Variants in CYP7B1 observed in about 807,000 individuals in gnomAD.
CYP7B1 encodes cytochrome P450 7B1.
Under a neutral mutation model 42.7 loss-of-function variants are expected in CYP7B1, and 29 were observed. The ratio of observed to expected loss-of-function variants is 0.68; its 90% CI spans 0.51 to 0.93. The LOEUF (loss-of-function observed/expected upper bound fraction) is 0.93. Ranked by LOEUF, CYP7B1 falls within the 40% of genes least tolerant of loss-of-function variation. CYP7B1 has a pLI of 0.00. For missense variants in CYP7B1, 655 were observed against 600.5 expected, an observed-to-expected ratio of 1.09 and a Z score of -0.95; for synonymous variants, 235 against 218.2, an observed-to-expected ratio of 1.08 and a Z score of -0.68.
At chr8:64,680,085 A>C (rs1806512565) in intron 1 of CYP7B1, among the ~76,000 whole-genome samples, 2 of 152,044 alleles carry the variant, frequency 1.3e-5, no homozygotes, top group Admixed American at 1.3e-4. Context: ...ATTCCCTGAA[A>C]ACAACCATTA....
chr8:64,750,460 T>C (rs1807710386), intron 1 of CYP7B1, among the ~76,000 whole-genome samples: 1 of 152,222 alleles, frequency 6.6e-6, no homozygotes, highest in East Asian at 1.9e-4. Flanking sequence ...CCTTTGCTTC[T>C]TAGGGAAAAA....
In CYP7B1 at chr8:64,734,710, T is replaced by C. The variant is rs78167171; in HGVS notation, c.122+63756A>G. Among the ~76,000 whole-genome samples, 948 of 152,338 alleles carry C rather than the reference T, an allele frequency of 6.2e-3. 8 individuals carry two copies. Among genetic ancestry groups the C allele is most frequent in the African/African-American group, 0.022 (911 of 41,578 alleles). On this transcript the variant is annotated intron_variant, in intron 1 of 5. Coordinates refer to ENST00000310193, the MANE Select transcript of CYP7B1 (RefSeq NM_004820.5). ...CAACAAATGTTTATTTGTAGTCCTATATATCATGTGAAGATTGTTCTAAGC... is the reference window on the plus strand; with the variant it reads ...CAACAAATGTTTATTTGTAGTCCTACATATCATGTGAAGATTGTTCTAAGC...
At chr8:64,620,441 C>T (rs1309742391) in intron 2 of CYP7B1, among the ~76,000 whole-genome samples, 2 of 152,128 alleles carry the variant, frequency 1.3e-5, no homozygotes, top group African/African-American at 2.4e-5. Flanking sequence ...CTAGGGAAAA[C>T]GATTCCACTG....
intron 1 of CYP7B1, among the ~76,000 whole-genome samples, chr8:64,748,305 C>T (rs749968148): frequency 1.4e-4 from 21 of 152,236 alleles, no homozygotes; most frequent in Middle Eastern, 3.4e-3. Flanking sequence ...GTCTATTCTC[C>T]TTCCTTTTCC....
intron 1 of CYP7B1, among the ~76,000 whole-genome samples, chr8:64,643,088 T>TATATATATACACATATATATAC (rs1342546171): frequency 0.066 from 7,169 of 109,318 alleles, 439 homozygotes; most frequent in Middle Eastern, 0.11. Context: ...TGTGTGTGTG[T>TATATATATACACATATATATAC]ATATATATAC....
intron 2 of CYP7B1, among the ~76,000 whole-genome samples, chr8:64,620,511 G>T (rs541509031): frequency 6.6e-6 from 1 of 152,104 alleles, no homozygotes; most frequent in Non-Finnish European, 1.5e-5. Context: ...AATTTACATG[G>T]TTTCTCATGA....
At chr8:64,669,931 C>A (rs983924555) in intron 1 of CYP7B1, among the ~76,000 whole-genome samples, 3 of 152,178 alleles carry the variant, frequency 2.0e-5, no homozygotes, top group African/African-American at 7.2e-5. Flanking sequence ...TACTCTAAGC[C>A]TTACTCTAGA....
chr8:64,771,303 G>T (rs370952227), intron 1 of CYP7B1, among the ~76,000 whole-genome samples: 1 of 151,172 alleles, frequency 6.6e-6, no homozygotes, highest in Non-Finnish European at 1.5e-5. Context: ...CTCATGATCC[G>T]CCCGCCTCGG....
intron 1 of CYP7B1, among the ~76,000 whole-genome samples, chr8:64,725,999 G>A (rs766848225): frequency 2.0e-5 from 3 of 152,174 alleles, no homozygotes; most frequent in Non-Finnish European, 4.4e-5. Flanking sequence ...GAAGCAGACC[G>A]TCTGTTTCAT....
chr8:64,615,716 A>G lies in CYP7B1; in HGVS notation c.825T>C (p.Tyr275=), dbSNP rs121908613. Residue 275 remains tyrosine, a synonymous_variant, in exon 3 of 6, where the codon TAT becomes TAC. Coordinates refer to ENST00000310193, the MANE Select transcript of CYP7B1 (RefSeq NM_004820.5). ...CTCCTATTTCAAGGTCCTCGTGCAC[A>G]TAATATTTCTCCAGGACATCTTGCC... ...QSRQDVLEKY[Y]VHEDLEIGAH... is the part of the protein sequence containing the mutation. 2.5e-6 allele frequency: 4 copies of G among 1,613,554 alleles called. No homozygotes were observed. Among genetic ancestry groups the G allele is most frequent in the East Asian group, 4.5e-5 (2 of 44,864 alleles).
chr8:64,665,557 TG>T (rs1806262723), intron 1 of CYP7B1, among the ~76,000 whole-genome samples: 3 of 112,224 alleles, frequency 2.7e-5, no homozygotes, highest in Non-Finnish European at 3.6e-5. Context: ...TTTTTTTTGG[TG>T]GTTTTTTTTT....
intron 1 of CYP7B1, among the ~76,000 whole-genome samples, chr8:64,754,910 A>G (rs189854750): frequency 6.6e-6 from 1 of 152,208 alleles, no homozygotes; most frequent in East Asian, 1.9e-4. Flanking sequence ...TGAGTCAGTG[A>G]AAGATCTTGA....
At chr8:64,775,431 T>C (rs35504769) in intron 1 of CYP7B1, among the ~76,000 whole-genome samples, 16,117 of 152,122 alleles carry the variant, frequency 0.11, 1,136 homozygotes, top group Non-Finnish European at 0.16. Context: ...ATAAAGAAAA[T>C]AGTCCACAGG....
intron 1 of CYP7B1, among the ~76,000 whole-genome samples, chr8:64,743,277 G>C (rs531851903): frequency 1.3e-5 from 2 of 152,182 alleles, no homozygotes; most frequent in Admixed American, 6.6e-5. Flanking sequence ...GAAATAATTA[G>C]GCTTACTTAG....
At chr8:64,732,007 G>A (rs188443613) in intron 1 of CYP7B1, among the ~76,000 whole-genome samples, 1 of 152,334 alleles carries the variant, frequency 6.6e-6, no homozygotes, top group African/African-American at 2.4e-5. Flanking sequence ...GTGCTACAGG[G>A]GCAGAGCCCT....
chr8:64,798,518 G>A lies in CYP7B1; in HGVS notation c.70C>T (p.Leu24Phe). ...LERLGLPGLA[L>F]AAALLLLALC... The stretch of plus-strand genomic sequence containing the variant: ...GCCAGGAGCAGCAGGGCCGCGGCGA[G>A]GGCCAGGCCCGGGAGGCCCAACCGC... The change falls in exon 1 of 6, where the codon CTC becomes TTC. Residue 24 changes from leucine to phenylalanine, a missense_variant. Leu to Phe is a conservative substitution (Grantham distance 22). Coordinates refer to ENST00000310193, the MANE Select transcript of CYP7B1 (RefSeq NM_004820.5). 5 of 1,504,614 alleles carry A rather than the reference G, an allele frequency of 3.3e-6. No homozygotes were observed. Among genetic ancestry groups the A allele is most frequent in the Non-Finnish European group, 4.4e-6 (5 of 1,135,592 alleles). 93.2% of individuals were successfully genotyped at this position (1,504,614 alleles called of 1,614,324 possible).
At chr8:64,644,130 G>A (rs571882178) in intron 1 of CYP7B1, among the ~76,000 whole-genome samples, 39 of 152,056 alleles carry the variant, frequency 2.6e-4, no homozygotes, top group African/African-American at 8.0e-4. Context: ...AAAATTAGCC[G>A]GGTGTGGTGG....
chr8:64,702,305 C>T (rs1806929066), intron 1 of CYP7B1, among the ~76,000 whole-genome samples: 1 of 152,014 alleles, frequency 6.6e-6, no homozygotes, highest in African/African-American at 2.4e-5. Context: ...TATCCATCAG[C>T]AGCTGAAATT....
At chr8:64,735,472 T>A (rs931608371) in intron 1 of CYP7B1, among the ~76,000 whole-genome samples, 1 of 152,196 alleles carries the variant, frequency 6.6e-6, no homozygotes, top group African/African-American at 2.4e-5. Flanking sequence ...AACTTACCTT[T>A]GTTAGGTGTG....
Sources: allele counts gnomAD v4.1 joint callset (sites outside exome capture counted in the v4.1 genomes callset), GRCh38; gene constraint gnomAD v4.1.1; transcripts MANE v1.5; gene names NCBI Gene and HGNC (gene_info 2026-07-23, HGNC 2026-07-21).